GNAQ: variants seen among roughly 807,000 people sequenced by gnomAD.
GNAQ encodes the protein G protein subunit alpha q.
GNAQ carries 8 observed loss-of-function variants against 43.9 expected under a neutral mutation model. The observed-to-expected ratio is 0.18, with a 90% CI of 0.11 to 0.33. The LOEUF (loss-of-function observed/expected upper bound fraction) is 0.33. Among genes scored for constraint, GNAQ ranks in the 10% least tolerant of loss-of-function variants. The pLI is 1.00. For synonymous variants in GNAQ, 155 were observed against 170.7 expected (o/e 0.91, Z 0.71); for missense variants, 158 against 450.8 (o/e 0.35, Z 5.88).
At chr9:77,918,420 C>T (rs1828946780) in intron 2 of GNAQ, among the ~76,000 whole-genome samples, 1 of 152,016 alleles carries the variant, frequency 6.6e-6, no homozygotes, top group Non-Finnish European at 1.5e-5. Flanking sequence ...GAATGTGATA[C>T]CTCCATGTAA....
At chr9:77,913,390 A>G (rs558904019) in intron 2 of GNAQ, among the ~76,000 whole-genome samples, 107 of 152,042 alleles carry the variant, frequency 7.0e-4, no homozygotes, top group African/African-American at 2.4e-3. Context: ...TCACATGTAA[A>G]TTTAAATGTA....
At chr9:77,954,019 C>T (rs1349959695) in intron 1 of GNAQ, among the ~76,000 whole-genome samples, 4 of 152,312 alleles carry the variant, frequency 2.6e-5, no homozygotes, top group East Asian at 3.9e-4. Context: ...GGCATAAAAA[C>T]ATATTTTCTT....
chr9:77,778,663 C>A (rs777846369), intron 5 of GNAQ, among the ~76,000 whole-genome samples: 1 of 151,722 alleles, frequency 6.6e-6, no homozygotes, highest in Non-Finnish European at 1.5e-5. Context: ...AAAAAAACCA[C>A]AACCACATAC....
At chr9:77,968,608 T>C (rs1226822119) in intron 1 of GNAQ, among the ~76,000 whole-genome samples, 1 of 152,228 alleles carries the variant, frequency 6.6e-6, no homozygotes, top group Non-Finnish European at 1.5e-5. Flanking sequence ...TCCCAGACAC[T>C]ATCTCAAATG....
At chr9:78,020,935 T>G (rs1433923867) in intron 1 of GNAQ, among the ~76,000 whole-genome samples, 1 of 151,702 alleles carries the variant, frequency 6.6e-6, no homozygotes, top group Non-Finnish European at 1.5e-5. Flanking sequence ...GCACCTCCAG[T>G]GGAATTAAGC....
chr9:77,937,088 T>C (rs1369800577), intron 1 of GNAQ, among the ~76,000 whole-genome samples: 1 of 152,198 alleles, frequency 6.6e-6, no homozygotes, highest in East Asian at 1.9e-4. Context: ...GGTAATTAAT[T>C]TTTTTCTAAA....
intron 1 of GNAQ, among the ~76,000 whole-genome samples, chr9:78,001,031 A>T (rs557238496): frequency 8.3e-4 from 127 of 152,248 alleles, no homozygotes; most frequent in African/African-American, 2.7e-3. Flanking sequence ...CAAATAAAGA[A>T]ATTAAACAAA....
intron 5 of GNAQ, among the ~76,000 whole-genome samples, chr9:77,765,302 A>G (rs949936258): frequency 7.2e-6 from 1 of 138,684 alleles, no homozygotes; most frequent in African/African-American, 2.5e-5. Context: ...ACTAAAGAAA[A>G]TAATAATTTA....
chr9:77,752,015 G>A (rs886988577), intron 5 of GNAQ, among the ~76,000 whole-genome samples: 2 of 152,204 alleles, frequency 1.3e-5, no homozygotes, highest in African/African-American at 4.8e-5. Context: ...ATCTATCAAA[G>A]AGTGCTTGTA....
At chr9:77,816,954 A>G (rs1827026933) in intron 2 of GNAQ, among the ~76,000 whole-genome samples, 2 of 152,188 alleles carry the variant, frequency 1.3e-5, no homozygotes, top group Non-Finnish European at 2.9e-5. Flanking sequence ...GACTGAAGAA[A>G]TCACCTTTCT....
chr9:77,797,019 T>C (rs994696884), intron 4 of GNAQ, among the ~76,000 whole-genome samples: 3 of 152,186 alleles, frequency 2.0e-5, no homozygotes, highest in African/African-American at 7.2e-5. Context: ...AATGTTCTAG[T>C]ACAAGTACAT....
chr9:77,733,067 T>C (rs1047052282), intron 5 of GNAQ, among the ~76,000 whole-genome samples: 1 of 152,160 alleles, frequency 6.6e-6, no homozygotes, highest in African/African-American at 2.4e-5. Flanking sequence ...ATTCCTTCTA[T>C]GGGCTGGAAC....
chr9:77,898,496 G>T (rs1828539962), intron 2 of GNAQ, among the ~76,000 whole-genome samples: 1 of 152,210 alleles, frequency 6.6e-6, no homozygotes, highest in East Asian at 1.9e-4. Context: ...AACCCAGCTA[G>T]CAGGTTAGCA....
intron 2 of GNAQ, among the ~76,000 whole-genome samples, chr9:77,887,424 G>A (rs1187201465): frequency 6.6e-6 from 1 of 152,160 alleles, no homozygotes; most frequent in Non-Finnish European, 1.5e-5. Context: ...AGAAAATAAG[G>A]AAATAGTTTT....
chr9:78,031,190 T>G lies in GNAQ; in HGVS notation c.46A>C (p.Lys16Gln). 1 of 1,554,338 alleles carries G rather than the reference T, an allele frequency of 6.4e-7. No individual in the cohort carries two copies. The highest frequency in any genetic ancestry group is 8.7e-7 in the Non-Finnish European group (1 of 1,150,490). ...IMACCLSEEA[K>Q]EARRINDEIE... is the part of the protein sequence containing the mutation. Reference sequence around the variant, plus strand: ...TCGTCGTTGATCCGCCGGGCTTCCTTGGCCTCCTCGCTCAGGCAGCACGCC... The same window carrying G: ...TCGTCGTTGATCCGCCGGGCTTCCTGGGCCTCCTCGCTCAGGCAGCACGCC... Residue 16 changes from lysine to glutamine, a missense_variant, in exon 1 of 7, where the codon AAG becomes CAG. Around this residue, in one of 9 missense-constraint regions of GNAQ, gnomAD observed 12 missense variants for 18.9 expected, o/e 0.64. Transcript: ENST00000286548.
chr9:77,946,770 G>A (rs1366253859), intron 1 of GNAQ, among the ~76,000 whole-genome samples: 2 of 152,162 alleles, frequency 1.3e-5, no homozygotes, highest in Non-Finnish European at 2.9e-5. Context: ...TAAAGCCCAG[G>A]GTATCAGATT....
chr9:77,837,572 T>C (rs1325954247), intron 2 of GNAQ, among the ~76,000 whole-genome samples: 1 of 151,862 alleles, frequency 6.6e-6, no homozygotes, highest in Non-Finnish European at 1.5e-5. Flanking sequence ...ATAGATTTTT[T>C]TTAAAAAAGC....
At chr9:77,793,707 A>G (rs1178136445) in intron 5 of GNAQ, among the ~76,000 whole-genome samples, 1 of 152,068 alleles carries the variant, frequency 6.6e-6, no homozygotes, top group African/African-American at 2.4e-5. Flanking sequence ...CCCAACACAC[A>G]CATACACATG....
Position 77,982,705 on chromosome 9 carries a change from A to C in GNAQ, c.136+48395T>G, listed in dbSNP as rs546826559. ...ATGCATTCTCATTAATGAATCCTCTACCTGTATCGAACTGTTGATTCTATG... is the reference window on the plus strand; with the variant it reads ...ATGCATTCTCATTAATGAATCCTCTCCCTGTATCGAACTGTTGATTCTATG... On this transcript the variant is annotated intron_variant, in intron 1 of 6. Transcript: ENST00000286548. Among the ~76,000 whole-genome samples the C allele has an allele frequency of 1.1e-3, 168 of 150,184 alleles. 1 individual carries two copies. The highest frequency in any genetic ancestry group is 2.1e-4 in the Non-Finnish European group (14 of 67,754).
Sources: allele counts gnomAD v4.1 joint callset (sites outside exome capture counted in the v4.1 genomes callset), GRCh38; gene constraint gnomAD v4.1.1; regional missense constraint gnomAD v4.1.1; transcripts MANE v1.5; gene names NCBI Gene and HGNC (gene_info 2026-07-23, HGNC 2026-07-21).